Variants in PIK3CD observed in about 807,000 individuals in gnomAD.
PIK3CD encodes phosphatidylinositol-4,5-bisphosphate 3-kinase catalytic subunit delta, also known as phosphatidylinositol 4,5-bisphosphate 3-kinase catalytic subunit delta isoform.
PIK3CD carries 20 observed loss-of-function variants against 122.9 expected under a neutral mutation model. The ratio of observed to expected loss-of-function variants is 0.16; its 90% CI spans 0.11 to 0.24. PIK3CD has a LOEUF of 0.24. PIK3CD is among the 10% of genes least tolerant of loss of function. The probability of loss-of-function intolerance (pLI) is 1.00; values close to 1 mark genes in which losing one functional copy is unlikely to be tolerated. For synonymous variants in PIK3CD, 596 were observed against 593.4 expected, an observed-to-expected ratio of 1.00 and a Z score of -0.06; for missense variants, 787 against 1,406.3, an observed-to-expected ratio of 0.56 and a Z score of 7.04.
At chr1:9,642,947 G>C in the PIK3CD span, among the ~76,000 whole-genome samples, 1 of 151,180 alleles carries the variant, frequency 6.6e-6, no homozygotes, top group Admixed American at 6.6e-5. Flanking sequence ...AATTAGCCGG[G>C]TGTGGTGGCA....
chr1:9,684,823 GTC>G (rs1248447154), intron 1 of PIK3CD, among the ~76,000 whole-genome samples: 1 of 140,494 alleles, frequency 7.1e-6, no homozygotes, highest in Non-Finnish European at 1.5e-5. Context: ...TCCAGCCTGG[GTC>G]ACAGTGTGAG....
the PIK3CD span, among the ~76,000 whole-genome samples, chr1:9,629,215 C>T: frequency 6.6e-6 from 1 of 152,070 alleles, no homozygotes; most frequent in Non-Finnish European, 1.5e-5. Context: ...GCTTCAAGGC[C>T]ACACCTACCT....
At chr1:9,698,206 G>A (rs1174780735) in intron 2 of PIK3CD, among the ~76,000 whole-genome samples, 1 of 151,974 alleles carries the variant, frequency 6.6e-6, no homozygotes, top group East Asian at 1.9e-4. Flanking sequence ...GCAATGGCAC[G>A]ATCTCGGCTC....
chr1:9,677,883 G>T (rs1297481843), intron 1 of PIK3CD, among the ~76,000 whole-genome samples: 1 of 152,034 alleles, frequency 6.6e-6, no homozygotes, highest in African/African-American at 2.4e-5. Flanking sequence ...GGGCGTGGTG[G>T]CTCATGCCTG....
Position 9,717,478 on chromosome 1 carries a change from G to A in PIK3CD, c.931-59G>A. The A allele has an allele frequency of 1.9e-6, 3 of 1,552,926 alleles. No homozygotes were observed. Among genetic ancestry groups the A allele is most frequent in the Non-Finnish European group, 2.7e-6 (3 of 1,125,022 alleles). On this transcript the variant is annotated intron_variant, in intron 7 of 23. Transcript: ENST00000377346. The surrounding 1 kb of genome is among the most constrained non-coding windows in gnomAD (Gnocchi z 5.4). ...CAAGTGGTCACGGGCCTCACCATAG[G>A]CCAGGGAGACAAGCTGCACTTTGAG...
chr1:9,653,632 T>G, intron 1 of PIK3CD: 3 of 438,962 alleles, frequency 6.8e-6, no homozygotes, highest in Non-Finnish European at 1.3e-5. Flanking sequence ...CCCTCCCCAA[T>G]TTGATTGATG....
chr1:9,672,042 C>T (rs979235814), intron 1 of PIK3CD, among the ~76,000 whole-genome samples: 4 of 152,092 alleles, frequency 2.6e-5, no homozygotes, highest in Admixed American at 6.6e-5. Flanking sequence ...AGGAGATGGC[C>T]GGGCAGCTGG....
At chr1:9,706,985 T>A (rs1646858481) in intron 2 of PIK3CD, among the ~76,000 whole-genome samples, 2 of 151,330 alleles carry the variant, frequency 1.3e-5, no homozygotes, top group Admixed American at 1.3e-4. Flanking sequence ...TTAATTTTTT[T>A]TTTTTTTTGT....
chr1:9,669,990 A>G (rs944990245), intron 1 of PIK3CD, among the ~76,000 whole-genome samples: 5 of 152,036 alleles, frequency 3.3e-5, no homozygotes, highest in African/African-American at 1.2e-4. Context: ...CCTGGCCAAC[A>G]TGGTGAAACC....
chr1:9,657,416 G>T (rs1466998731), intron 1 of PIK3CD, among the ~76,000 whole-genome samples: 1 of 152,026 alleles, frequency 6.6e-6, no homozygotes, highest in South Asian at 2.1e-4. Flanking sequence ...GGTTATCTTT[G>T]CAGGGAAGCC....
rs1329314536 is a variant in PIK3CD at position 9,715,044 on chromosome 1, G to C, written c.142-497G>C. ...ACAAAAAATTTAGCCAGGCATGGTG[G>C]TGCATGCCTATAATCCCAGCTACTC... On this transcript the variant is annotated intron_variant, in intron 3 of 23. Transcript: ENST00000377346. The surrounding 1 kb of genome is among the most constrained non-coding windows in gnomAD (Gnocchi z 4.1). Among the ~76,000 whole-genome samples the C allele has an allele frequency of 6.6e-6, 1 of 152,138 alleles. No individual in the cohort carries two copies. The highest frequency in any genetic ancestry group is 1.5e-5 in the Non-Finnish European group (1 of 68,042).
At chr1:9,647,041 G>C (rs1003813599), upstream of PIK3CD, among the ~76,000 whole-genome samples, 1 of 151,754 alleles carries the variant, frequency 6.6e-6, no homozygotes, top group Non-Finnish European at 1.5e-5. Flanking sequence ...AAGATGGGAA[G>C]TGAAGGTTGC....
chr1:9,639,034 C>T, the PIK3CD span, among the ~76,000 whole-genome samples: 678 of 152,106 alleles, frequency 4.5e-3, 31 homozygotes, highest in South Asian at 0.068. Context: ...CCCAAAATGT[C>T]GGGATTACAC....
intron 2 of PIK3CD, among the ~76,000 whole-genome samples, chr1:9,693,400 GT>G (rs112075217): frequency 0.051 from 7,525 of 146,516 alleles, 522 homozygotes; most frequent in African/African-American, 0.15. Flanking sequence ...AATTTTTGTG[GT>G]TTTTTTTTTT....
intron 1 of PIK3CD, among the ~76,000 whole-genome samples, chr1:9,667,590 A>G (rs1040476320): frequency 2.0e-5 from 3 of 151,556 alleles, no homozygotes; most frequent in African/African-American, 7.3e-5. Flanking sequence ...GTTAGCCAGG[A>G]TAGTCTCCAT....
Position 9,718,674 on chromosome 1 carries a change from C to G in PIK3CD, c.1021-20C>G, listed in dbSNP as rs199911701. ...GCTGGGCCTCTGCCTCCTCACCCAT[C>G]ATCCCGGCACCTTCTACAGCTGGTG... On this transcript the variant is annotated intron_variant, in intron 8 of 23. Coordinates refer to ENST00000377346, the MANE Select transcript of PIK3CD (RefSeq NM_005026.5). The surrounding 1 kb of genome is among the most constrained non-coding windows in gnomAD (Gnocchi z 7.2). The G allele has an allele frequency of 2.0e-4, 317 of 1,599,250 alleles. 1 individual carries two copies. The highest frequency in any genetic ancestry group is 1.7e-4 in the Non-Finnish European group (195 of 1,177,986).
At chr1:9,660,354 C>T (rs1217287611) in intron 1 of PIK3CD, among the ~76,000 whole-genome samples, 1 of 152,190 alleles carries the variant, frequency 6.6e-6, no homozygotes, top group Non-Finnish European at 1.5e-5. Context: ...CAGGTATATA[C>T]CCAAATTGCT....
chr1:9,721,282 G>T, intron 14 of PIK3CD, 34 bp downstream of exon 14: 1 of 1,612,818 alleles, frequency 6.2e-7, no homozygotes. Flanking sequence ...CACTTCTCCA[G>T]AGGGCAGCTG....
At chr1:9,643,476 G>A in the PIK3CD span, among the ~76,000 whole-genome samples, 5 of 125,404 alleles carry the variant, frequency 4.0e-5, no homozygotes, top group African/African-American at 1.5e-4. Context: ...GGGAAGGAAG[G>A]GAGGGAGGGA....
Sources: gnomAD v4.1 joint callset for allele counts (sites outside exome capture counted in the v4.1 genomes callset) on GRCh38, gnomAD v4.1.1 for gene constraint, Gnocchi (gnomAD v3.1) non-coding constraint, MANE v1.5 for transcripts, NCBI Gene and HGNC (gene_info 2026-07-23, HGNC 2026-07-21) for gene names.